CSMD1: variants seen among roughly 807,000 people sequenced by gnomAD.
CSMD1 encodes the protein CUB and Sushi multiple domains 1.
CSMD1 carries 213 observed loss-of-function variants against 417.5 expected under a neutral mutation model. That is an observed-to-expected ratio of 0.51 (90% CI 0.46 to 0.57). The LOEUF is 0.57. Ranked by LOEUF, CSMD1 falls within the 20% of genes least tolerant of loss-of-function variation. The pLI is 0.00. For synonymous variants in CSMD1, 2,862 were observed against 1,736.8 expected (o/e 1.65, Z -16.11); for missense variants, 6,923 against 4,529.7 (o/e 1.53, Z -15.17).
intron 2 of CSMD1, among the ~76,000 whole-genome samples, chr8:4,595,701 A>G (rs913842943): frequency 1.3e-5 from 2 of 152,160 alleles, no homozygotes; most frequent in Admixed American, 6.5e-5. Context: ...CAGGAGTTGG[A>G]GGCCAGCCTA....
intron 2 of CSMD1, among the ~76,000 whole-genome samples, chr8:4,575,674 T>C (rs532640243): frequency 2.6e-5 from 4 of 152,322 alleles, no homozygotes; most frequent in Non-Finnish European, 5.9e-5. Flanking sequence ...ATTGTCTAAA[T>C]ACAGGCAACA....
intron 3 of CSMD1, among the ~76,000 whole-genome samples, chr8:4,398,925 A>G (rs1210348295): frequency 6.6e-6 from 1 of 152,198 alleles, no homozygotes; most frequent in Admixed American, 6.5e-5. Flanking sequence ...TCCATTTAAG[A>G]TGCTCCAGAA....
At chr8:3,502,451 T>C (rs1261733957) in intron 10 of CSMD1, among the ~76,000 whole-genome samples, 1 of 151,272 alleles carries the variant, frequency 6.6e-6, no homozygotes, top group Non-Finnish European at 1.5e-5. Flanking sequence ...TCGCCAAAAT[T>C]AGGAAGCAAC....
At chr8:4,031,354 C>T (rs987070536) in intron 4 of CSMD1, among the ~76,000 whole-genome samples, 1 of 152,176 alleles carries the variant, frequency 6.6e-6, no homozygotes, top group Non-Finnish European at 1.5e-5. Context: ...CAAGGAGGAG[C>T]ACATCACGTC....
At chr8:3,329,442 A>C (rs1371134423) in intron 23 of CSMD1, among the ~76,000 whole-genome samples, 1 of 152,132 alleles carries the variant, frequency 6.6e-6, no homozygotes, top group African/African-American at 2.4e-5. Context: ...GTTCCACATT[A>C]CAGGGGAGCA....
At chr8:3,551,461 C>T (rs925813106) in intron 10 of CSMD1, among the ~76,000 whole-genome samples, 2 of 152,028 alleles carry the variant, frequency 1.3e-5, no homozygotes, top group African/African-American at 2.4e-5. Context: ...GAGAAAAGAA[C>T]ATATTTTACC....
At chr8:3,136,570 C>T (rs1161624869) in intron 41 of CSMD1, among the ~76,000 whole-genome samples, 1 of 152,034 alleles carries the variant, frequency 6.6e-6, no homozygotes, top group Non-Finnish European at 1.5e-5. Context: ...CGGCTCATCC[C>T]TTTCGGATTT....
intron 2 of CSMD1, among the ~76,000 whole-genome samples, chr8:4,570,098 A>C (rs541564973): frequency 1.3e-5 from 2 of 152,228 alleles, no homozygotes; most frequent in African/African-American, 4.8e-5. Flanking sequence ...AGACAACTTG[A>C]CTTCCTCTCT....
At chr8:4,701,295 T>G (rs1239591022) in intron 1 of CSMD1, among the ~76,000 whole-genome samples, 1 of 147,132 alleles carries the variant, frequency 6.8e-6, no homozygotes, top group Non-Finnish European at 1.5e-5. Flanking sequence ...AAGGCTGCTT[T>G]TGAGCCATCC....
intron 25 of CSMD1, among the ~76,000 whole-genome samples, chr8:3,288,677 G>C (rs1803329731): frequency 6.8e-6 from 1 of 146,642 alleles, no homozygotes; most frequent in East Asian, 2.0e-4. Context: ...GTGTCTATTT[G>C]ATTCTTCTCT....
intron 23 of CSMD1, among the ~76,000 whole-genome samples, chr8:3,331,204 C>T (rs958523502): frequency 1.3e-5 from 2 of 148,912 alleles, no homozygotes; most frequent in Non-Finnish European, 2.9e-5. Context: ...TGCCACTGCA[C>T]TCCAGCCTGG....
chr8:4,175,319 G>C (rs913651700), intron 3 of CSMD1, among the ~76,000 whole-genome samples: 27 of 152,096 alleles, frequency 1.8e-4, no homozygotes, highest in African/African-American at 5.8e-4. Flanking sequence ...CCATTGTTTA[G>C]GTTAAAGTTA....
At chr8:4,164,695 G>T (rs554990050) in intron 3 of CSMD1, among the ~76,000 whole-genome samples, 1 of 152,038 alleles carries the variant, frequency 6.6e-6, no homozygotes, top group Non-Finnish European at 1.5e-5. Context: ...AAAATATGTT[G>T]CTGAGGTGGA....
chr8:4,929,288 C>T lies in CSMD1; in HGVS notation c.85+65044G>A, dbSNP rs545153176. Among the ~76,000 whole-genome samples the T allele has an allele frequency of 1.3e-4, 20 of 152,276 alleles. 1 individual carries two copies. In the East Asian group the frequency reaches 3.9e-3, roughly 29 times the overall value. Reference sequence around the variant, plus strand: ...TGCAGACACCGTCGTTGTGGACTTCCAGCCTCCCGAACCATGGGCAACACA... The same window carrying T: ...TGCAGACACCGTCGTTGTGGACTTCTAGCCTCCCGAACCATGGGCAACACA... On this transcript the variant is annotated intron_variant, in intron 1 of 69. Coordinates refer to ENST00000635120, the MANE Select transcript of CSMD1 (RefSeq NM_033225.6).
chr8:3,333,274 C>T (rs1807028065), intron 23 of CSMD1, among the ~76,000 whole-genome samples: 1 of 152,006 alleles, frequency 6.6e-6, no homozygotes, highest in Admixed American at 6.5e-5. Context: ...CCCACGGATG[C>T]TGTGAGATAA....
At chr8:4,983,362 G>C (rs937546821) in intron 1 of CSMD1, among the ~76,000 whole-genome samples, 1 of 152,140 alleles carries the variant, frequency 6.6e-6, no homozygotes, top group African/African-American at 2.4e-5. Flanking sequence ...ATATTACATA[G>C]ACTGAGAACA....
Position 3,826,492 on chromosome 8 carries a change from C to T in CSMD1, c.819-72450G>A, listed in dbSNP as rs567289278. 5.9e-5 allele frequency among the ~76,000 whole-genome samples: 9 copies of T among 152,240 alleles called. No individual in the cohort carries two copies. The East Asian group carries it at 1.7e-3, about 30-fold the overall frequency. Reference sequence around the variant, plus strand: ...CTTTACATCTCCTAGGCAGGGGGACCATGAAAGCTCTTCTAGAACCACATT... The same window carrying T: ...CTTTACATCTCCTAGGCAGGGGGACTATGAAAGCTCTTCTAGAACCACATT... On this transcript the variant is annotated intron_variant, in intron 5 of 69. Coordinates refer to ENST00000635120, the MANE Select transcript of CSMD1 (RefSeq NM_033225.6).
chr8:3,820,908 G>T (rs1220826697), intron 5 of CSMD1, among the ~76,000 whole-genome samples: 1 of 151,890 alleles, frequency 6.6e-6, no homozygotes. Context: ...CTGCCTGAGG[G>T]TGTTCTATCT....
At chr8:4,320,927 C>G (rs186809550) in intron 3 of CSMD1, among the ~76,000 whole-genome samples, 34 of 152,212 alleles carry the variant, frequency 2.2e-4, no homozygotes, top group East Asian at 5.8e-4. Context: ...TCTTTGTATC[C>G]TCTCCTCCCA....
Sources: allele counts gnomAD v4.1 joint callset (sites outside exome capture counted in the v4.1 genomes callset), GRCh38; gene constraint gnomAD v4.1.1; transcripts MANE v1.5; gene names NCBI Gene and HGNC (gene_info 2026-07-23, HGNC 2026-07-21).